The following CCNF variants were observed in gnomAD, a reference collection of about 807,000 sequenced individuals.
The protein encoded by CCNF is cyclin-F.
Under a neutral mutation model 85.4 loss-of-function variants are expected in CCNF, and 30 were observed. That is an observed-to-expected ratio of 0.35 (90% CI 0.26 to 0.48). The LOEUF is 0.48. Ranked by LOEUF, CCNF falls within the 20% of genes least tolerant of loss-of-function variation. CCNF has a pLI of 0.99. For missense variants in CCNF, 919 were observed against 1,010.4 expected (o/e 0.91, Z 1.23); for synonymous variants, 439 against 425.1 (o/e 1.03, Z -0.40).
rs1478350196 is a variant in CCNF, at chr16:2,456,898, T to G, written c.2239T>G (p.Cys747Gly). 1.2e-6 allele frequency: 2 copies of G among 1,613,968 alleles called. No homozygotes were observed. Among genetic ancestry groups the G allele is most frequent in the Admixed American group, 3.3e-5 (2 of 59,990 alleles). ...CTGCCACCATCAGGCCAGGAAGTCATGTTTACAGTGTCGTCCCCCAAGTCC... is the reference window on the plus strand; with the variant it reads ...CTGCCACCATCAGGCCAGGAAGTCAGGTTTACAGTGTCGTCCCCCAAGTCC... The part of the protein sequence containing the change: ...QPCHHQARKS[C>G]LQCRPPSPPE... Residue 747 changes from cysteine (C) to glycine (G), a missense_variant, in exon 17 of 17, where the codon TGT becomes GGT. Physicochemically the swap from Cys to Gly is radical, Grantham distance 159. Coordinates refer to ENST00000397066, the MANE Select transcript of CCNF (RefSeq NM_001761.3). This position sits in a 1 kb window ranked among gnomAD's most constrained non-coding sequence, Gnocchi z 4.5.
Position 2,431,222 on chromosome 16 carries a change from G to C in CCNF, c.109G>C (p.Glu37Gln). ...AAACCTGACCATCTTGAGTCTCCCCGAAGATGTGCTCTTTCACATCCTGAA... is the reference window on the plus strand; with the variant it reads ...AAACCTGACCATCTTGAGTCTCCCCCAAGATGTGCTCTTTCACATCCTGAA... Reference protein sequence around the residue: ...PRNLTILSLPEDVLFHILKWL... With the variant: ...PRNLTILSLPQDVLFHILKWL... The change falls in exon 2 of 17, where the codon GAA becomes CAA. Residue 37 changes from glutamate to glutamine, a missense_variant. Transcript: ENST00000397066. The C allele has an allele frequency of 6.2e-7, 1 of 1,614,056 alleles. No individual in the cohort carries two copies.
chr16:2,433,265 A>C (rs2065271675), intron 3 of CCNF, among the ~76,000 whole-genome samples, 198 bp downstream of exon 3: 1 of 152,110 alleles, frequency 6.6e-6, no homozygotes, highest in Admixed American at 6.5e-5. Flanking sequence ...CCAGCAGGCT[A>C]TGCAGTCAGT....
At chr16:2,439,330 A>C in intron 6 of CCNF, 23 bp from the exon 7 acceptor site, 1 of 1,539,224 alleles carries the variant, frequency 6.5e-7, no homozygotes, top group Non-Finnish European at 8.9e-7. Flanking sequence ...GGGAACAATG[A>C]ACTCTGCTGG....
intron 3 of CCNF, 89 bp downstream of exon 3, chr16:2,433,156 G>A (rs2065271178): frequency 6.4e-6 from 5 of 778,342 alleles, no homozygotes; most frequent in African/African-American, 3.4e-5. Context: ...ATTCAGCAAC[G>A]ATTTTCCTGT....
At chr16:2,443,823 T>G (rs1402716535) in intron 9 of CCNF, 23 bp downstream of exon 9, 1 of 1,612,762 alleles carries the variant, frequency 6.2e-7, no homozygotes, top group South Asian at 1.1e-5. Context: ...GGCCGGGGCT[T>G]CTAATCAGAG....
intron 7 of CCNF, 25 bp from the exon 8 acceptor site, chr16:2,439,724 A>G (rs751453171): frequency 6.2e-7 from 1 of 1,606,176 alleles, no homozygotes; most frequent in Admixed American, 1.7e-5. Context: ...AGTTGTACAA[A>G]GGCTCGGTGA....
chr16:2,445,438 A>T lies in CCNF; in HGVS notation c.930-20A>T, dbSNP rs1195774168. ...ATGGAGAACGCCCCCACCAGTTCCC[A>T]CGTGCTTCTCTTTCCGCAGGTACAT... On this transcript the variant is annotated intron_variant, in intron 9 of 16. Coordinates refer to ENST00000397066, the MANE Select transcript of CCNF (RefSeq NM_001761.3). The T allele has an allele frequency of 6.2e-7, 1 of 1,613,636 alleles. No homozygotes were observed. The highest frequency in any genetic ancestry group is 1.1e-5 in the South Asian group (1 of 91,050).
chr16:2,450,152 A>G (rs2065386385), intron 13 of CCNF, among the ~76,000 whole-genome samples: 1 of 151,468 alleles, frequency 6.6e-6, no homozygotes, highest in Admixed American at 6.6e-5. Flanking sequence ...GGTTGCAGTG[A>G]GTTGATATCA....
intron 16 of CCNF, 88 bp downstream of exon 16, chr16:2,455,652 G>A (rs1187836563): frequency 1.6e-5 from 23 of 1,467,812 alleles, no homozygotes; most frequent in Non-Finnish European, 2.0e-5. Context: ...CCCTGTGCGA[G>A]CGCTGTGGGA....
chr16:2,441,750 C>A (rs2141820512), intron 8 of CCNF, among the ~76,000 whole-genome samples: 1 of 151,018 alleles, frequency 6.6e-6, no homozygotes, highest in South Asian at 2.1e-4. Flanking sequence ...CTCCTGACCT[C>A]AAGTAATCTG....
At chr16:2,440,714 G>A (rs2065316657) in intron 8 of CCNF, among the ~76,000 whole-genome samples, 1 of 152,126 alleles carries the variant, frequency 6.6e-6, no homozygotes, top group Non-Finnish European at 1.5e-5. Context: ...AAATGCTAGG[G>A]ACAAAATTAC....
rs199750563 is a variant in CCNF, at chr16:2,445,581, G to A, written c.1053G>A (p.Arg351=). The change falls in exon 10 of 17, where the codon AGG becomes AGA. Residue 351 remains arginine, a synonymous_variant. Coordinates refer to ENST00000397066, the MANE Select transcript of CCNF (RefSeq NM_001761.3). ...GGAGGAGGCTGGTGCCGCGGTACAGGCTCCAGCTGCTGGGCATCGCCTGCA... is the reference window on the plus strand; with the variant it reads ...GGAGGAGGCTGGTGCCGCGGTACAGACTCCAGCTGCTGGGCATCGCCTGCA... ...YLRRRLVPRY[R]LQLLGIACMV... 2 of 1,613,508 alleles carry A rather than the reference G, an allele frequency of 1.2e-6. No individual in the cohort carries two copies. The highest frequency in any genetic ancestry group is 1.1e-5 in the South Asian group (1 of 91,070).
intron 6 of CCNF, among the ~76,000 whole-genome samples, chr16:2,439,112 A>G (rs894968067): frequency 6.6e-6 from 1 of 150,950 alleles, no homozygotes; most frequent in Non-Finnish European, 1.5e-5. Flanking sequence ...AGCCTGGCCA[A>G]CATGGTGAAA....
chr16:2,446,456 C>T (rs1300860771), intron 10 of CCNF, among the ~76,000 whole-genome samples: 1 of 152,246 alleles, frequency 6.6e-6, no homozygotes, highest in Non-Finnish European at 1.5e-5. Flanking sequence ...GCAGCCTGTC[C>T]TTTTCAAATC....
intron 8 of CCNF, among the ~76,000 whole-genome samples, chr16:2,442,182 T>C (rs1305984659): frequency 2.1e-5 from 3 of 142,790 alleles, no homozygotes; most frequent in Non-Finnish European, 4.5e-5. Flanking sequence ...AAATTTTTTG[T>C]ATTTTTAGTA....
In CCNF at chr16:2,449,942, C is replaced by T. The variant is rs139582105; in HGVS notation, c.1487+27C>T. On this transcript the variant is annotated intron_variant, in intron 13 of 16. Coordinates refer to ENST00000397066, the MANE Select transcript of CCNF (RefSeq NM_001761.3). ...TGAGTTTTGGCCGGGCGCAGAGGCT[C>T]ATGCCTGTAACCCCAGCACTTTGGG... 7,597 of 1,522,608 alleles carry T rather than the reference C, an allele frequency of 5.0e-3. 23 individuals carry two copies. Among genetic ancestry groups the T allele is most frequent in the Non-Finnish European group, 6.3e-3 (6,862 of 1,096,870 alleles). 94.3% of individuals were successfully genotyped at this position (1,522,608 alleles called of 1,614,324 possible).
chr16:2,449,213 G>T, intron 11 of CCNF, 69 bp from the exon 12 acceptor site: 1 of 1,559,842 alleles, frequency 6.4e-7, no homozygotes, highest in Non-Finnish European at 8.8e-7. Flanking sequence ...CCTGCGCTGG[G>T]CCTGCATGCG....
At chr16:2,441,975 A>ATATG (rs1436853458) in intron 8 of CCNF, among the ~76,000 whole-genome samples, 3 of 91,912 alleles carry the variant, frequency 3.3e-5, no homozygotes, top group East Asian at 5.7e-4. Context: ...ATATATATAT[A>ATATG]TATATATGTT....
intron 8 of CCNF, among the ~76,000 whole-genome samples, chr16:2,442,916 T>C (rs1315984183): frequency 3.2e-5 from 2 of 63,204 alleles, no homozygotes; most frequent in East Asian, 5.6e-4. Context: ...TATATAAATA[T>C]ATATTAATAT....
Sources: gnomAD v4.1 joint callset for allele counts (sites outside exome capture counted in the v4.1 genomes callset) on GRCh38, gnomAD v4.1.1 for gene constraint, Gnocchi (gnomAD v3.1) non-coding constraint, MANE v1.5 for transcripts, NCBI Gene and HGNC (gene_info 2026-07-23, HGNC 2026-07-21) for gene names.